IKBKE: variants seen among roughly 807,000 people sequenced by gnomAD.
IKBKE encodes inhibitor of nuclear factor kappa-B kinase subunit epsilon.
Under a neutral mutation model 92.1 loss-of-function variants are expected in IKBKE, and 45 were observed. The observed-to-expected ratio is 0.49, with a 90% CI of 0.38 to 0.63. IKBKE has a LOEUF of 0.63. IKBKE is among the 20% of genes least tolerant of loss of function. The pLI, the probability that IKBKE is intolerant of heterozygous loss-of-function variation, is 0.00. For synonymous variants in IKBKE, 374 were observed against 380.3 expected (o/e 0.98, Z 0.19); for missense variants, 700 against 932.8 (o/e 0.75, Z 3.25).
In IKBKE at chr1:206,493,875, G is replaced by C. The variant is rs144552072; in HGVS notation, c.2046-45G>C. On this transcript the variant is annotated intron_variant, in intron 20 of 21. Transcript: ENST00000581977. Reference sequence around the variant, plus strand: ...CTCCCAGGAAAAGGGTCTGGGCAGGGCAACTTCCAGCCTCAGCCGCCTCTC... The same window carrying C: ...CTCCCAGGAAAAGGGTCTGGGCAGGCCAACTTCCAGCCTCAGCCGCCTCTC... 1.8e-5 allele frequency: 28 copies of C among 1,558,290 alleles called. No homozygotes were observed. In the African/African-American group the frequency reaches 3.1e-4, roughly 17 times the overall value.
chr1:206,483,203 G>T (rs1027555845), intron 13 of IKBKE, among the ~76,000 whole-genome samples: 1 of 152,212 alleles, frequency 6.6e-6, no homozygotes, highest in African/African-American at 2.4e-5. Flanking sequence ...TTATTGTGTC[G>T]CAGGAAGGAA....
At position 206,485,126 on chromosome 1, in the gene IKBKE, T is replaced by C. The variant is rs1403960534; in HGVS notation, c.1503+54T>C. On this transcript the variant is annotated intron_variant, in intron 14 of 21. Coordinates refer to ENST00000581977, the MANE Select transcript of IKBKE (RefSeq NM_014002.4). The surrounding 1 kb of genome is among the most constrained non-coding windows in gnomAD (Gnocchi z 5.0). Reference sequence around the variant, plus strand: ...GCAGGATCAGAGCTGGGGGCCCGTGTTCCAGCCAGCCTGCCCACCAGTGCC... The same window carrying C: ...GCAGGATCAGAGCTGGGGGCCCGTGCTCCAGCCAGCCTGCCCACCAGTGCC... 5 of 1,590,230 alleles carry C rather than the reference T, an allele frequency of 3.1e-6. No individual in the cohort carries two copies. The highest frequency in any genetic ancestry group is 3.5e-6 in the Non-Finnish European group (4 of 1,158,458).
At position 206,478,015 on chromosome 1, in the gene IKBKE, TC is replaced by T; in HGVS notation, c.813-143del. ...CCATCTGGTTGCTGGAACGAGTTCT[TC>T]CAGCTCTTCCTCCCCAACCCACCCT... is the stretch of plus-strand genomic sequence containing the variant. On this transcript the variant is annotated intron_variant, in intron 8 of 21. Coordinates refer to ENST00000581977, the MANE Select transcript of IKBKE (RefSeq NM_014002.4). The surrounding 1 kb of genome is among the most constrained non-coding windows in gnomAD (Gnocchi z 4.8). 1 of 829,468 alleles carries T rather than the reference TC, an allele frequency of 1.2e-6. No homozygotes were observed. The highest frequency in any genetic ancestry group is 1.9e-6 in the Non-Finnish European group (1 of 518,344). 51.4% of individuals were successfully genotyped at this position (829,468 alleles called of 1,614,324 possible).
At position 206,478,233 on chromosome 1, in the gene IKBKE, G is replaced by C; in HGVS notation, c.886G>C (p.Asp296His). 6.2e-7 allele frequency: 1 copy of C among 1,614,158 alleles called. No homozygotes were observed. The highest frequency in any genetic ancestry group is 1.7e-5 in the Admixed American group (1 of 60,026). Reference sequence around the variant, plus strand: ...GGAGCAGGCCAAGTGCTGGGGCTTCGACCAGTTCTTTGCGGAGACCAGTGA... The same window carrying C: ...GGAGCAGGCCAAGTGCTGGGGCTTCCACCAGTTCTTTGCGGAGACCAGTGA... ...EVEQAKCWGFDQFFAETSDIL... is the reference protein window; with the variant it reads ...EVEQAKCWGFHQFFAETSDIL... The change falls in exon 9 of 22, where the codon GAC becomes CAC. Residue 296 changes from aspartate (D) to histidine (H), a missense_variant. By Grantham distance (81) the Asp-to-His change is moderately conservative (BLOSUM62 -1). Coordinates refer to ENST00000581977, the MANE Select transcript of IKBKE (RefSeq NM_014002.4). The surrounding 1 kb of genome is among the most constrained non-coding windows in gnomAD (Gnocchi z 4.8).
chr1:206,474,240 T>C lies in IKBKE; in HGVS notation c.88-91T>C, dbSNP rs545079190. The C allele has an allele frequency of 2.5e-5, 33 of 1,303,360 alleles. No homozygotes were observed. In the African/African-American group the frequency reaches 4.0e-4, roughly 16 times the overall value. The allele number at this position is 1,303,360 out of a possible 1,614,324, so 80.7% of individuals were successfully genotyped here. On this transcript the variant is annotated intron_variant, in intron 3 of 21. Coordinates refer to ENST00000581977, the MANE Select transcript of IKBKE (RefSeq NM_014002.4). Reference sequence around the variant, plus strand: ...GGTTGGGCTGGCCGGAGAGGCTGAATGGAGGCCCAGGAGAGGGTGGCTGCT... The same window carrying C: ...GGTTGGGCTGGCCGGAGAGGCTGAACGGAGGCCCAGGAGAGGGTGGCTGCT...
intron 2 of IKBKE, chr1:206,472,898 A>G: frequency 5.4e-6 from 2 of 367,448 alleles, no homozygotes; most frequent in South Asian, 2.7e-5. Context: ...GTCTCTGCAG[A>G]ATGACCTGCC....
chr1:206,476,692 T>C lies in IKBKE; in HGVS notation c.555T>C (p.Tyr185=), dbSNP rs782426325. The C allele has an allele frequency of 1.9e-6, 3 of 1,614,248 alleles. No homozygotes were observed. Among genetic ancestry groups the C allele is most frequent in the Non-Finnish European group, 1.7e-6 (2 of 1,180,038 alleles). Residue 185 remains tyrosine, a synonymous_variant, in exon 7 of 22, where the codon TAT becomes TAC. Coordinates refer to ENST00000581977, the MANE Select transcript of IKBKE (RefSeq NM_014002.4). The surrounding 1 kb of genome is among the most constrained non-coding windows in gnomAD (Gnocchi z 5.1). ...GTEEYLHPDM[Y]ERAVLRKPQQ... ...CTCTCCGGCAGCATCCCGACATGTA[T>C]GAGCGGGCGGTGCTTCGAAAGCCCC...
intron 17 of IKBKE, chr1:206,491,098 T>C (rs1007411075): frequency 2.1e-5 from 12 of 577,958 alleles, no homozygotes; most frequent in African/African-American, 2.1e-4. Flanking sequence ...GACAAGACTG[T>C]TTGCAGGCTT....
chr1:206,496,190 CA>C lies in IKBKE; in HGVS notation c.*47del. On this transcript the variant is annotated 3_prime_UTR_variant, in exon 22 of 22. Transcript: ENST00000581977. Reference sequence around the variant, plus strand: ...GCATCCTGAAGCATTAGAATGATTCCAACACTGCTCTTCTGCACCATGAGAC... The same window carrying C: ...GCATCCTGAAGCATTAGAATGATTCCACACTGCTCTTCTGCACCATGAGAC... The C allele has an allele frequency of 1.3e-6, 2 of 1,508,852 alleles. No individual in the cohort carries two copies. Among genetic ancestry groups the C allele is most frequent in the Non-Finnish European group, 1.8e-6 (2 of 1,083,750 alleles). 93.5% of individuals were successfully genotyped at this position (1,508,852 alleles called of 1,614,324 possible).
At chr1:206,470,812 TCACA>T (rs1664734839) in intron 1 of IKBKE, 114 bp downstream of exon 1, 1 of 152,170 alleles carries the variant, frequency 6.6e-6, no homozygotes, top group East Asian at 1.9e-4. Context: ...AGCGGTGCTC[TCACA>T]TAGAGCGTTG....
chr1:206,492,516 G>C (rs781862896), intron 18 of IKBKE: 2 of 471,270 alleles, frequency 4.2e-6, no homozygotes, highest in Non-Finnish European at 8.8e-6. Flanking sequence ...TTGGATGTCA[G>C]TGTAGTACAG....
intron 12 of IKBKE, 94 bp from the exon 13 acceptor site, chr1:206,480,353 A>C (rs2103463950): frequency 3.7e-6 from 4 of 1,083,216 alleles, no homozygotes; most frequent in Non-Finnish European, 5.6e-6. Flanking sequence ...GGAGGCCGGC[A>C]GGAGGTGGAG....
chr1:206,476,139 C>A lies in IKBKE; in HGVS notation c.359-42C>A, dbSNP rs370694838. The A allele has an allele frequency of 3.3e-4, 522 of 1,600,516 alleles. No homozygotes were observed. The highest frequency in any genetic ancestry group is 4.3e-4 in the Non-Finnish European group (502 of 1,170,204). On this transcript the variant is annotated intron_variant, in intron 5 of 21. Coordinates refer to ENST00000581977, the MANE Select transcript of IKBKE (RefSeq NM_014002.4). The surrounding 1 kb of genome is among the most constrained non-coding windows in gnomAD (Gnocchi z 5.1). ...AGATGAGCCTCAGACACTAGACTGT[C>A]CCCGACCAGAGCCAGCTAGTGGCCT...
Position 206,476,730 on chromosome 1 carries a change from T to C in IKBKE, c.593T>C (p.Phe198Ser). 6.2e-7 allele frequency: 1 copy of C among 1,614,236 alleles called. No homozygotes were observed. Among genetic ancestry groups the C allele is most frequent in the Non-Finnish European group, 8.5e-7 (1 of 1,180,038 alleles). ...AVLRKPQQKA[F>S]GVTVDLWSIG... is the part of the protein sequence containing the mutation. ...CTTCGAAAGCCCCAGCAAAAAGCGT[T>C]CGGGGTGACTGTGGATCTCTGGAGC... Residue 198 changes from phenylalanine (F) to serine (S), a missense_variant, in exon 7 of 22, where the codon TTC becomes TCC. Transcript: ENST00000581977. This position sits in a 1 kb window ranked among gnomAD's most constrained non-coding sequence, Gnocchi z 5.1.
At chr1:206,477,509 C>CA (rs5780344) in intron 7 of IKBKE, among the ~76,000 whole-genome samples, 136,832 of 152,114 alleles carry the variant, frequency 0.9, 61,792 homozygotes, top group East Asian at 1. Flanking sequence ...GGAAGTGTAG[C>CA]GGGGGGAGAG....
In IKBKE at chr1:206,485,734, C is replaced by CA. The variant is rs1665617843; in HGVS notation, c.1616+429dup. On this transcript the variant is annotated intron_variant, in intron 15 of 21. Coordinates refer to ENST00000581977, the MANE Select transcript of IKBKE (RefSeq NM_014002.4). This position sits in a 1 kb window ranked among gnomAD's most constrained non-coding sequence, Gnocchi z 5.0. ...AGTGAGGTTAACTTACCCTGAGTCA[C>CA]AGCCAGTAAATGACAAATGACAGAG... Among the ~76,000 whole-genome samples, 1 of 152,248 alleles carries CA rather than the reference C, an allele frequency of 6.6e-6. No individual in the cohort carries two copies.
chr1:206,485,081 G>A lies in IKBKE; in HGVS notation c.1503+9G>A, dbSNP rs941044531. The A allele has an allele frequency of 2.5e-6, 4 of 1,613,076 alleles. No homozygotes were observed. The highest frequency in any genetic ancestry group is 3.4e-6 in the Non-Finnish European group (4 of 1,179,010). ...GGTCCAGGCTGCGGACTGTGAGTGA[G>A]GCTGGAGGGCAAGGGCTTAGCAGGA... On this transcript the variant is annotated intron_variant, in intron 14 of 21. Coordinates refer to ENST00000581977, the MANE Select transcript of IKBKE (RefSeq NM_014002.4). The surrounding 1 kb of genome is among the most constrained non-coding windows in gnomAD (Gnocchi z 5.0).
At chr1:206,474,585 C>T (rs1664955063) in intron 4 of IKBKE, 114 bp downstream of exon 4, 9 of 1,145,898 alleles carry the variant, frequency 7.9e-6, no homozygotes, top group Non-Finnish European at 1.1e-5. Context: ...AGGTCAGAGA[C>T]AGCAGGCAAA....
At chr1:206,474,578 T>A in intron 4 of IKBKE, 107 bp downstream of exon 4, 1 of 1,215,866 alleles carries the variant, frequency 8.2e-7, no homozygotes, top group Non-Finnish European at 1.1e-6. Context: ...CATCAGCAGG[T>A]CAGAGACAGC....
Sources: gnomAD v4.1 joint callset for allele counts (sites outside exome capture counted in the v4.1 genomes callset) on GRCh38, gnomAD v4.1.1 for gene constraint, Gnocchi (gnomAD v3.1) non-coding constraint, MANE v1.5 for transcripts, NCBI Gene and HGNC (gene_info 2026-07-23, HGNC 2026-07-21) for gene names.